NECTIN1: variants seen among roughly 807,000 people sequenced by gnomAD.
NECTIN1 encodes the protein nectin cell adhesion molecule 1.
A neutral mutation model predicts 48.0 loss-of-function variants in NECTIN1; 23 were observed. The observed-to-expected ratio is 0.48, with a 90% confidence interval of 0.34 to 0.68. NECTIN1 has a LOEUF of 0.68. Among genes scored for constraint, NECTIN1 ranks in the 30% least tolerant of loss-of-function variants. The pLI is 0.01. For synonymous variants in NECTIN1, 270 were observed against 288.9 expected (o/e 0.93, Z 0.66); for missense variants, 591 against 709.9 (o/e 0.83, Z 1.90).
In NECTIN1 at chr11:119,664,898, T is replaced by C; in HGVS notation, c.1403A>G (p.Tyr468Cys). The change falls in exon 6 of 6, where the codon TAC becomes TGC. Residue 468 changes from tyrosine to cysteine, a missense_variant. Coordinates refer to ENST00000264025, the MANE Select transcript of NECTIN1 (RefSeq NM_002855.5). ...GGCCTCGGCCTCATCCACGGTGAAGTAGGGCCGCTTGGCGTCCTCGTCATA... is the reference window on the plus strand; with the variant it reads ...GGCCTCGGCCTCATCCACGGTGAAGCAGGGCCGCTTGGCGTCCTCGTCATA... Reference protein sequence around the residue: ...PKYDEDAKRPYFTVDEAEARQ... With the variant: ...PKYDEDAKRPCFTVDEAEARQ... The C allele has an allele frequency of 6.2e-7, 1 of 1,613,932 alleles. No homozygotes were observed. The highest frequency in any genetic ancestry group is 8.5e-7 in the Non-Finnish European group (1 of 1,179,942).
In NECTIN1 at chr11:119,661,617, C is replaced by G. The variant is rs1016465143; in HGVS notation, c.*3130G>C. The G allele has an allele frequency of 1.9e-5, 19 of 985,890 alleles. No individual in the cohort carries two copies. In the Middle Eastern group the frequency reaches 2.1e-3, roughly 108 times the overall value. 61.1% of individuals were successfully genotyped at this position (985,890 alleles called of 1,614,324 possible). On this transcript the variant is annotated 3_prime_UTR_variant, in exon 6 of 6. Transcript: ENST00000264025. ...ACCCACCTAACACAATTCCCAATTT[C>G]TCTGCTCTGAGGAAGGCAGAAAAGT...
chr11:119,714,970 C>T (rs1196322460), intron 1 of NECTIN1, among the ~76,000 whole-genome samples: 4 of 152,002 alleles, frequency 2.6e-5, no homozygotes, highest in African/African-American at 9.7e-5. Flanking sequence ...GAGACGGGGG[C>T]CGAGGCTGTC....
chr11:119,657,381 C>G (rs916517568), downstream of NECTIN1, among the ~76,000 whole-genome samples: 1 of 151,964 alleles, frequency 6.6e-6, no homozygotes, highest in Non-Finnish European at 1.5e-5. Flanking sequence ...TTTGGAAGGC[C>G]GAGGTGGGTG....
intron 1 of NECTIN1, among the ~76,000 whole-genome samples, chr11:119,719,977 A>G (rs1369470166): frequency 1.3e-5 from 2 of 152,314 alleles, no homozygotes; most frequent in South Asian, 2.1e-4. Context: ...GGGGAACAGC[A>G]TGTGCAAAGG....
rs778484554 is a variant in NECTIN1, at chr11:119,677,225, G to A, written c.734-6C>T. On this transcript the variant is annotated splice_region_variant and splice_polypyrimidine_tract_variant and intron_variant, in intron 3 of 5. Transcript: ENST00000264025. This position sits in a 1 kb window ranked among gnomAD's most constrained non-coding sequence, Gnocchi z 5.4. ...AATGGTTACCTCAGGCTCATCTGTG[G>A]GGCAAGGGATGTTTGAAGAGGGTGA... is the stretch of plus-strand genomic sequence containing the variant. 5 of 1,612,064 alleles carry A rather than the reference G, an allele frequency of 3.1e-6. No homozygotes were observed. Among genetic ancestry groups the A allele is most frequent in the Admixed American group, 1.7e-5 (1 of 59,996 alleles).
In NECTIN1 at chr11:119,664,980, C is replaced by CCTT. The variant is rs2135542711; in HGVS notation, c.1320_1321insAAG (p.Glu440_Glu441insLys). On this transcript the variant is annotated inframe_insertion, in exon 6 of 6. Transcript: ENST00000264025. ...CCCCCTCCACCGCCCTCCTCCTCCT[C>CCTT]CTCCTCCTCCTCATAGCTGCTTCCA... is the stretch of plus-strand genomic sequence containing the variant. 2 of 1,613,718 alleles carry CCTT rather than the reference C, an allele frequency of 1.2e-6. No individual in the cohort carries two copies. The highest frequency in any genetic ancestry group is 1.7e-6 in the Non-Finnish European group (2 of 1,179,820).
intron 5 of NECTIN1, chr11:119,674,540 G>A (rs1864915920): frequency 1.2e-6 from 2 of 1,614,000 alleles, no homozygotes; most frequent in South Asian, 2.2e-5. Flanking sequence ...CAGGGTCACA[G>A]CTGTCTGACA....
intron 1 of NECTIN1, chr11:119,710,003 G>A (rs1160425284): frequency 1.3e-5 from 2 of 152,242 alleles, no homozygotes; most frequent in African/African-American, 2.4e-5. Flanking sequence ...GGAAACCCTG[G>A]GTCACCGTTC....
chr11:119,647,161 ATGTGTG>A (rs58590467), intron 5 of NECTIN1, among the ~76,000 whole-genome samples: 5,397 of 84,490 alleles, frequency 0.064, 136 homozygotes, highest in African/African-American at 0.097. Context: ...CTTGCGGCGC[ATGTGTG>A]TGTGTGTGTG....
intron 1 of NECTIN1, among the ~76,000 whole-genome samples, chr11:119,720,004 C>T (rs528869012): frequency 2.0e-5 from 3 of 152,046 alleles, no homozygotes; most frequent in East Asian, 1.9e-4. Context: ...GGCAGGAAAG[C>T]GCTGGGCATG....
Position 119,663,621 on chromosome 11 carries a change from G to T in NECTIN1, c.*1126C>A. 1 of 985,620 alleles carries T rather than the reference G, an allele frequency of 1.0e-6. No homozygotes were observed. Among genetic ancestry groups the T allele is most frequent in the Non-Finnish European group, 1.2e-6 (1 of 829,974 alleles). The allele number at this position is 985,620 out of a possible 1,614,324, so 61.1% of individuals were successfully genotyped here. A position where few individuals can be genotyped will look rare whatever the true frequency, so the allele number is the denominator to read the frequency against. On this transcript the variant is annotated 3_prime_UTR_variant, in exon 6 of 6. Transcript: ENST00000264025. ...TGGGCTTCCTTCCCCACTACCCTCC[G>T]TGTGGATGCTTCTTTACCTCTGACT... is the stretch of plus-strand genomic sequence containing the variant.
intron 5 of NECTIN1, among the ~76,000 whole-genome samples, chr11:119,644,736 A>G (rs1348587150): frequency 6.6e-6 from 1 of 152,164 alleles, no homozygotes; most frequent in African/African-American, 2.4e-5. Context: ...AGAACATTGT[A>G]GGCAGAGTGA....
chr11:119,665,793 G>A lies in NECTIN1; in HGVS notation c.1004-496C>T, dbSNP rs569568834. ...TCGTTGCTTCTCCTGCACATAGAACGTGTGCAAATGTCACTGATACCCCTC... is the reference window on the plus strand; with the variant it reads ...TCGTTGCTTCTCCTGCACATAGAACATGTGCAAATGTCACTGATACCCCTC... On this transcript the variant is annotated intron_variant, in intron 5 of 5. Transcript: ENST00000264025. This position sits in a 1 kb window ranked among gnomAD's most constrained non-coding sequence, Gnocchi z 5.1. 2.6e-5 allele frequency among the ~76,000 whole-genome samples: 4 copies of A among 152,308 alleles called. No individual in the cohort carries two copies. The highest frequency in any genetic ancestry group is 3.4e-3 in the Middle Eastern group (1 of 294).
At position 119,665,696 on chromosome 11, in the gene NECTIN1, T is replaced by G. The variant is rs559070197; in HGVS notation, c.1004-399A>C. On this transcript the variant is annotated intron_variant, in intron 5 of 5. Transcript: ENST00000264025. This position sits in a 1 kb window ranked among gnomAD's most constrained non-coding sequence, Gnocchi z 5.1. ...CCCTGAGGAGGTATGCCATTCATTC[T>G]CATTGGATATCTGAGGAGCTGAGGC... is the stretch of plus-strand genomic sequence containing the variant. Among the ~76,000 whole-genome samples the G allele has an allele frequency of 1.3e-5, 2 of 152,278 alleles. No homozygotes were observed. Among genetic ancestry groups the G allele is most frequent in the Admixed American group, 1.3e-4 (2 of 15,308 alleles).
chr11:119,698,600 T>C (rs961860863), intron 1 of NECTIN1, among the ~76,000 whole-genome samples: 1 of 152,316 alleles, frequency 6.6e-6, no homozygotes, highest in Non-Finnish European at 1.5e-5. Context: ...GGAGTTCGCA[T>C]GGTGGACAGA....
At chr11:119,674,013 G>A (rs766525701) in intron 5 of NECTIN1, among the ~76,000 whole-genome samples, 27 of 152,300 alleles carry the variant, frequency 1.8e-4, no homozygotes, top group African/African-American at 5.1e-4. Flanking sequence ...ACAGGTAGGC[G>A]CAGACCCTGG....
In NECTIN1 at chr11:119,727,387, GC is replaced by G. The variant is rs1195304789; in HGVS notation, c.79+1087del. ...GGACCACGTGCTCCAGTCAAGATCC[GC>G]CCCCCTCCCCAAAATCCCATCTTGC... On this transcript the variant is annotated intron_variant, in intron 1 of 5. Coordinates refer to ENST00000264025, the MANE Select transcript of NECTIN1 (RefSeq NM_002855.5). This position sits in a 1 kb window ranked among gnomAD's most constrained non-coding sequence, Gnocchi z 4.1. Among the ~76,000 whole-genome samples, 3 of 151,828 alleles carry G rather than the reference GC, an allele frequency of 2.0e-5. No homozygotes were observed. The highest frequency in any genetic ancestry group is 2.9e-5 in the Non-Finnish European group (2 of 67,946).
rs535421888 is a variant in NECTIN1 at position 119,673,025 on chromosome 11, C to A, written c.1003+2134G>T. On this transcript the variant is annotated intron_variant, in intron 5 of 5. Coordinates refer to ENST00000264025, the MANE Select transcript of NECTIN1 (RefSeq NM_002855.5). This position sits in a 1 kb window ranked among gnomAD's most constrained non-coding sequence, Gnocchi z 5.8. ...GGTAAAGTTATTACCCGAACGAATG[C>A]CCAGAATGAAAAATTAAATTTCCAC... Among the ~76,000 whole-genome samples the A allele has an allele frequency of 2.0e-4, 30 of 152,338 alleles. No homozygotes were observed. In the South Asian group the frequency reaches 6.0e-3, roughly 31 times the overall value.
At position 119,648,301 on chromosome 11, in the gene NECTIN1, G is replaced by C. The variant is rs1163838599; in HGVS notation, c.1004-8289C>G. On this transcript the variant is annotated intron_variant, in intron 5 of 7. Transcript: ENST00000341398. ...GATGGTGGTGGTGATGGTGGTGGTG[G>C]TGGTGATGGTGGTGATGGTGATGGT... is the stretch of plus-strand genomic sequence containing the variant. Among the ~76,000 whole-genome samples, 110 of 12,890 alleles carry C rather than the reference G, an allele frequency of 8.5e-3. 5 individuals are homozygous for C. Among genetic ancestry groups the C allele is most frequent in the African/African-American group, 0.031 (90 of 2,900 alleles). 8.5% of individuals were successfully genotyped at this position (12,890 alleles called of 152,430 possible). A position where few individuals can be genotyped will look rare whatever the true frequency, so the allele number is the denominator to read the frequency against.
Sources: allele counts gnomAD v4.1 joint callset (sites outside exome capture counted in the v4.1 genomes callset), GRCh38; gene constraint gnomAD v4.1.1; non-coding constraint Gnocchi (gnomAD v3.1); transcripts MANE v1.5; gene names NCBI Gene and HGNC (gene_info 2026-07-23, HGNC 2026-07-21).